The following CPEB4 variants were observed in gnomAD, a reference collection of about 807,000 sequenced individuals.
CPEB4 encodes the protein cytoplasmic polyadenylation element binding protein 4.
Under a neutral mutation model 72.5 loss-of-function variants are expected in CPEB4, and 12 were observed. The ratio of observed to expected loss-of-function variants is 0.17; its 90% CI spans 0.11 to 0.27. The LOEUF is 0.27. Among genes scored for constraint, CPEB4 ranks in the 10% least tolerant of loss-of-function variants. CPEB4 has a pLI of 1.00. For missense variants in CPEB4, 614 were observed against 908.5 expected, an observed-to-expected ratio of 0.68 and a Z score of 4.17; for synonymous variants, 302 against 326.3, an observed-to-expected ratio of 0.93 and a Z score of 0.80.
chr5:173,890,911 TA>T, intron 1 of CPEB4, 53 bp downstream of exon 1: 1 of 1,517,080 alleles, frequency 6.6e-7, no homozygotes, highest in Non-Finnish European at 8.9e-7. Flanking sequence ...TAGCATGGTG[TA>T]ATATCTATGT....
chr5:173,901,478 T>C (rs183175862), intron 1 of CPEB4, among the ~76,000 whole-genome samples: 2 of 152,244 alleles, frequency 1.3e-5, no homozygotes, highest in African/African-American at 4.8e-5. Flanking sequence ...ATTACCACTT[T>C]AACTTTAATC....
chr5:173,943,096 G>C, intron 4 of CPEB4, 47 bp downstream of exon 4: 1 of 1,583,220 alleles, frequency 6.3e-7, no homozygotes, highest in Non-Finnish European at 8.6e-7. Flanking sequence ...ATTTGGAGAC[G>C]ACCCAAGCTT....
chr5:173,961,908 T>C lies in CPEB4; in HGVS notation c.*5771T>C, dbSNP rs1419908367. ...ACTCTAATATTTCAGACTGTGATCT[T>C]CAGAGGACTAGGATAGTCCTTTCCA... On this transcript the variant is annotated 3_prime_UTR_variant, in exon 10 of 10. Transcript: ENST00000265085. The C allele has an allele frequency of 2.6e-5, 4 of 151,724 alleles. No homozygotes were observed. Among genetic ancestry groups the C allele is most frequent in the Non-Finnish European group, 5.9e-5 (4 of 67,954 alleles). The allele number at this position is 151,724 out of a possible 1,614,324, so 9.4% of individuals were successfully genotyped here.
chr5:173,918,916 T>A (rs942839583), intron 2 of CPEB4, among the ~76,000 whole-genome samples: 4 of 152,132 alleles, frequency 2.6e-5, no homozygotes, highest in East Asian at 3.9e-4. Context: ...TGAAAATCGG[T>A]TATCGTTTTA....
Position 173,957,078 on chromosome 5 carries a change from A to G in CPEB4, c.*941A>G, listed in dbSNP as rs1338230353. 1.3e-5 allele frequency: 2 copies of G among 152,756 alleles called. No individual in the cohort carries two copies. The highest frequency in any genetic ancestry group is 2.9e-5 in the Non-Finnish European group (2 of 68,016). The allele number at this position is 152,756 out of a possible 1,614,324, so 9.5% of individuals were successfully genotyped here. A position where few individuals can be genotyped will look rare whatever the true frequency, so the allele number is the denominator to read the frequency against. ...TTTGATGTTTATATATAAACTCTAT[A>G]TCCTAATTTACTAATACTCATCAGA... On this transcript the variant is annotated 3_prime_UTR_variant, in exon 10 of 10. Transcript: ENST00000265085.
At chr5:173,953,037 A>G in intron 8 of CPEB4, 54 bp from the exon 9 acceptor site, 2 of 1,442,796 alleles carry the variant, frequency 1.4e-6, no homozygotes, top group Non-Finnish European at 1.9e-6. Flanking sequence ...ACGGTTGGTG[A>G]GCCAGATGAA....
intron 3 of CPEB4, among the ~76,000 whole-genome samples, chr5:173,938,471 C>A (rs916909249): frequency 1.3e-5 from 2 of 152,098 alleles, no homozygotes; most frequent in Non-Finnish European, 2.9e-5. Context: ...AATGATCTGC[C>A]CACCTCAACC....
rs116503859 is a variant in CPEB4, at chr5:173,949,738, A to G, written c.1546+141A>G. The G allele has an allele frequency of 5.8e-3, 4,027 of 693,670 alleles. 131 individuals carry two copies. In the African/African-American group the frequency reaches 0.065, roughly 11 times the overall value. The allele number at this position is 693,670 out of a possible 1,614,324, so 43.0% of individuals were successfully genotyped here. On this transcript the variant is annotated intron_variant, in intron 6 of 9. Transcript: ENST00000265085. Reference sequence around the variant, plus strand: ...CCCAAATGCTCTTTAAAATTTCAACATAATATTCTTTTAATTCAAATTTAA... The same window carrying G: ...CCCAAATGCTCTTTAAAATTTCAACGTAATATTCTTTTAATTCAAATTTAA...
At chr5:173,893,344 T>C (rs1005441968) in intron 1 of CPEB4, among the ~76,000 whole-genome samples, 2 of 152,122 alleles carry the variant, frequency 1.3e-5, no homozygotes, top group African/African-American at 4.8e-5. Flanking sequence ...ATTTATAACT[T>C]GCAGGCACGT....
At chr5:173,918,466 T>C (rs1174878994) in intron 2 of CPEB4, among the ~76,000 whole-genome samples, 1 of 152,110 alleles carries the variant, frequency 6.6e-6, no homozygotes, top group Non-Finnish European at 1.5e-5. Context: ...AGATTTGGGG[T>C]TGCTGTTGTT....
At chr5:173,936,173 C>T (rs1477981509) in intron 3 of CPEB4, among the ~76,000 whole-genome samples, 2 of 152,156 alleles carry the variant, frequency 1.3e-5, no homozygotes, top group Non-Finnish European at 2.9e-5. Context: ...GCTAGGGCTG[C>T]TATAATAAGT....
At chr5:173,905,593 A>T (rs1222025129) in intron 1 of CPEB4, among the ~76,000 whole-genome samples, 1 of 152,180 alleles carries the variant, frequency 6.6e-6, no homozygotes, top group Non-Finnish European at 1.5e-5. Flanking sequence ...TGCTGGGATT[A>T]CAGGTGTGAG....
chr5:173,908,089 G>A (rs1756509839), intron 1 of CPEB4, among the ~76,000 whole-genome samples: 1 of 152,224 alleles, frequency 6.6e-6, no homozygotes, highest in African/African-American at 2.4e-5. Flanking sequence ...GAATGAGATA[G>A]TGTAATTTTA....
intron 2 of CPEB4, among the ~76,000 whole-genome samples, chr5:173,913,261 G>A (rs1215136676): frequency 2.0e-5 from 3 of 150,818 alleles, no homozygotes; most frequent in African/African-American, 7.3e-5. Flanking sequence ...GCAGTGGCAC[G>A]ATCTCAGCTC....
At chr5:173,912,298 A>G (rs1383069610) in intron 2 of CPEB4, among the ~76,000 whole-genome samples, 4 of 152,302 alleles carry the variant, frequency 2.6e-5, no homozygotes, top group Non-Finnish European at 5.9e-5. Context: ...AGCACCAGAA[A>G]AATTGTACAC....
intron 2 of CPEB4, among the ~76,000 whole-genome samples, chr5:173,929,833 C>T (rs1757376663): frequency 1.3e-5 from 2 of 152,148 alleles, no homozygotes. Context: ...GATAATAAGA[C>T]ATTTCCTCTT....
In CPEB4 at chr5:173,888,451, G is replaced by T; in HGVS notation, c.-1283G>T. 2.3e-6 allele frequency: 1 copy of T among 444,354 alleles called. No individual in the cohort carries two copies. The highest frequency in any genetic ancestry group is 3.9e-6 in the Non-Finnish European group (1 of 256,484). 27.5% of individuals were successfully genotyped at this position (444,354 alleles called of 1,614,324 possible). On this transcript the variant is annotated 5_prime_UTR_variant, in exon 1 of 10. Transcript: ENST00000265085. This position sits in a 1 kb window ranked among gnomAD's most constrained non-coding sequence, Gnocchi z 4.3. ...GGCGGCAGCAGCGGCGACAGCAGAG[G>T]AGGAAGAGGAGGAAGAAGGAAAGAA...
At chr5:173,925,395 G>A (rs1234578743) in intron 2 of CPEB4, among the ~76,000 whole-genome samples, 1 of 152,138 alleles carries the variant, frequency 6.6e-6, no homozygotes, top group Non-Finnish European at 1.5e-5. Context: ...GATTTTGCAT[G>A]GGAATGTCTT....
At chr5:173,924,482 T>A (rs1757176106) in intron 2 of CPEB4, among the ~76,000 whole-genome samples, 1 of 152,244 alleles carries the variant, frequency 6.6e-6, no homozygotes, top group African/African-American at 2.4e-5. Flanking sequence ...TGGAACTTTT[T>A]GGCCAAAATA....
Sources: gnomAD v4.1 joint callset for allele counts (sites outside exome capture counted in the v4.1 genomes callset) on GRCh38, gnomAD v4.1.1 for gene constraint, Gnocchi (gnomAD v3.1) non-coding constraint, MANE v1.5 for transcripts, NCBI Gene and HGNC (gene_info 2026-07-23, HGNC 2026-07-21) for gene names.